STK38: variants seen among roughly 807,000 people sequenced by gnomAD.
The protein encoded by STK38 is serine/threonine kinase 38, also known as serine/threonine-protein kinase 38.
A neutral mutation model predicts 59.0 loss-of-function variants in STK38; 26 were observed. That is an observed-to-expected ratio of 0.44 (90% CI 0.32 to 0.61). STK38 has a LOEUF of 0.61. STK38 is among the 20% of genes least tolerant of loss of function. STK38 has a pLI of 0.04. For synonymous variants in STK38, 175 were observed against 176.6 expected (o/e 0.99, Z 0.07); for missense variants, 433 against 566.0 (o/e 0.76, Z 2.38).
Position 36,497,841 on chromosome 6 carries a change from G to C in STK38, c.1111C>G (p.Pro371Ala). The C allele has an allele frequency of 6.2e-7, 1 of 1,613,748 alleles. No homozygotes were observed. Among genetic ancestry groups the C allele is most frequent in the South Asian group, 1.1e-5 (1 of 91,044 alleles). ...CCEWEHRIGA[P>A]GVEEIKSNSF... ...TTACTTTTTATTTCCTCAACTCCAGGAGCTCCAATTCTATGTTCCCATTCA... is the reference window on the plus strand; with the variant it reads ...TTACTTTTTATTTCCTCAACTCCAGCAGCTCCAATTCTATGTTCCCATTCA... The change falls in exon 12 of 14, where the codon CCT becomes GCT. Residue 371 changes from proline (P) to alanine (A), a missense_variant. By Grantham distance (27) the Pro-to-Ala change is conservative (BLOSUM62 -1). Transcript: ENST00000229812.
intron 2 of STK38, among the ~76,000 whole-genome samples, chr6:36,533,216 T>G (rs751047849): frequency 6.6e-6 from 1 of 152,296 alleles, no homozygotes; most frequent in Admixed American, 6.5e-5. Context: ...GGCACAATCA[T>G]AGCTCACTGC....
rs1776643914 is a variant in STK38 at position 36,494,099 on chromosome 6, CA to C, written c.*1684del. 6.6e-6 allele frequency: 1 copy of C among 152,202 alleles called. No individual in the cohort carries two copies. Among genetic ancestry groups the C allele is most frequent in the Non-Finnish European group, 1.5e-5 (1 of 68,036 alleles). The allele number at this position is 152,202 out of a possible 1,614,324, so 9.4% of individuals were successfully genotyped here. On this transcript the variant is annotated 3_prime_UTR_variant, in exon 14 of 14. Transcript: ENST00000229812. Reference sequence around the variant, plus strand: ...AATACAAAGAGACTACAAAGTCACACAAAAGAATCTCATTTACTTCCTTTTC... The same window carrying C: ...AATACAAAGAGACTACAAAGTCACACAAAGAATCTCATTTACTTCCTTTTC...
chr6:36,506,785 T>C (rs1042987596), intron 8 of STK38, 141 bp from the exon 9 acceptor site: 4 of 689,282 alleles, frequency 5.8e-6, no homozygotes, highest in African/African-American at 5.4e-5. Context: ...AGATGATACA[T>C]ATCCTAGTAC....
At chr6:36,506,966 A>C (rs1380999642) in intron 8 of STK38, among the ~76,000 whole-genome samples, 7 of 152,206 alleles carry the variant, frequency 4.6e-5, no homozygotes, top group Non-Finnish European at 8.8e-5. Flanking sequence ...CGTGGACCTA[A>C]AACAGTCACA....
intron 7 of STK38, 122 bp downstream of exon 7, chr6:36,515,216 G>A: frequency 1.7e-6 from 2 of 1,171,380 alleles, no homozygotes; most frequent in Non-Finnish European, 1.2e-6. Context: ...AAAAAAAAAG[G>A]AAAATCATGA....
chr6:36,532,517 T>C (rs535930845), intron 2 of STK38, among the ~76,000 whole-genome samples: 1 of 152,220 alleles, frequency 6.6e-6, no homozygotes, highest in African/African-American at 2.4e-5. Flanking sequence ...GGCTCACACC[T>C]GTAATCCCAG....
intron 9 of STK38, among the ~76,000 whole-genome samples, chr6:36,504,701 T>C (rs1343844192): frequency 6.6e-6 from 1 of 152,016 alleles, no homozygotes; most frequent in Non-Finnish European, 1.5e-5. Context: ...AAATGACATT[T>C]AACTGCAAAT....
At chr6:36,531,372 GA>G (rs3836988) in intron 2 of STK38, among the ~76,000 whole-genome samples, 36,221 of 152,080 alleles carry the variant, frequency 0.24, 4,559 homozygotes, top group East Asian at 0.39. Flanking sequence ...TATTCATGAA[GA>G]AAAGAAACAA....
At position 36,515,494 on chromosome 6, in the gene STK38, T is replaced by C; in HGVS notation, c.515-2A>G. On this transcript the variant is annotated splice_acceptor_variant, in intron 6 of 13. Coordinates refer to ENST00000229812, the MANE Select transcript of STK38 (RefSeq NM_007271.4). LOFTEE classifies it high-confidence loss of function. ...TCATCAACAAGGTCATCATGTCCCC[T>C]GGAAACAAGAAGATACAAAGCCACC... The C allele has an allele frequency of 6.2e-7, 1 of 1,611,366 alleles. No individual in the cohort carries two copies. Among genetic ancestry groups the C allele is most frequent in the Non-Finnish European group, 8.5e-7 (1 of 1,179,432 alleles).
chr6:36,520,699 T>C (rs3798473), intron 5 of STK38, among the ~76,000 whole-genome samples: 34,778 of 152,172 alleles, frequency 0.23, 4,168 homozygotes, highest in East Asian at 0.39. Flanking sequence ...GCATAAACTA[T>C]AGTGTCTCAA....
At position 36,497,784 on chromosome 6, in the gene STK38, T is replaced by C. The variant is rs1321611778; in HGVS notation, c.1168A>G (p.Ile390Val). Reference sequence around the variant, plus strand: ...AAAGTGTTTATATGGATATACCTGATATGTTCCCAGTCAACGCCTTCAAAA... The same window carrying C: ...AAAGTGTTTATATGGATATACCTGACATGTTCCCAGTCAACGCCTTCAAAA... ...SFFEGVDWEH[I>V]RERPAAISIE... The change falls in exon 12 of 14, where the codon ATC becomes GTC. Residue 390 changes from isoleucine (I) to valine (V), a missense_variant. By Grantham distance (29) the Ile-to-Val change is conservative (BLOSUM62 3). Coordinates refer to ENST00000229812, the MANE Select transcript of STK38 (RefSeq NM_007271.4). 1.9e-6 allele frequency: 3 copies of C among 1,609,426 alleles called. No individual in the cohort carries two copies. In the South Asian group the frequency reaches 3.3e-5, roughly 18 times the overall value.
chr6:36,511,703 A>G (rs946960212), intron 7 of STK38, among the ~76,000 whole-genome samples: 4 of 152,008 alleles, frequency 2.6e-5, no homozygotes, highest in African/African-American at 9.7e-5. Context: ...CTACAAGCCA[A>G]GGAAGTTTAT....
intron 1 of STK38, among the ~76,000 whole-genome samples, chr6:36,544,905 A>C (rs1561996941): frequency 1.3e-5 from 2 of 152,144 alleles, no homozygotes; most frequent in Non-Finnish European, 1.5e-5. Context: ...ACAACACAAC[A>C]ATCTGCTAGT....
intron 7 of STK38, among the ~76,000 whole-genome samples, chr6:36,513,900 A>G (rs929555633): frequency 7.3e-5 from 11 of 150,072 alleles, no homozygotes; most frequent in African/African-American, 2.4e-4. Context: ...TCACGCCTGT[A>G]ATCCCAGCAC....
chr6:36,513,018 GC>G (rs1256176681), intron 7 of STK38, among the ~76,000 whole-genome samples: 1 of 151,520 alleles, frequency 6.6e-6, no homozygotes, highest in Non-Finnish European at 1.5e-5. Flanking sequence ...CCATGTTTAT[GC>G]ATTATTATTA....
chr6:36,530,144 G>A (rs962688954), intron 2 of STK38, among the ~76,000 whole-genome samples: 3 of 151,978 alleles, frequency 2.0e-5, no homozygotes, highest in African/African-American at 7.2e-5. Flanking sequence ...AGGAGGCTGA[G>A]GCAGGAAAAT....
intron 2 of STK38, among the ~76,000 whole-genome samples, chr6:36,528,868 C>T (rs1392776116): frequency 1.3e-5 from 2 of 152,220 alleles, no homozygotes; most frequent in African/African-American, 4.8e-5. Flanking sequence ...GTGGCTCCTT[C>T]TAATTATATT....
At chr6:36,514,144 G>C (rs1561980011) in intron 7 of STK38, among the ~76,000 whole-genome samples, 2 of 130,490 alleles carry the variant, frequency 1.5e-5, no homozygotes, top group Non-Finnish European at 3.1e-5. Context: ...GACAGAGCGA[G>C]ACTCCGTCTC....
Position 36,495,759 on chromosome 6 carries a change from C to G in STK38, c.*25G>C. On this transcript the variant is annotated 3_prime_UTR_variant, in exon 14 of 14. Transcript: ENST00000229812. ...TGATGTTATACAAAGAACTCTGCTCCACATAGGATTCCGTGGCAAGAGTAC... is the reference window on the plus strand; with the variant it reads ...TGATGTTATACAAAGAACTCTGCTCGACATAGGATTCCGTGGCAAGAGTAC... The G allele has an allele frequency of 6.2e-7, 1 of 1,613,000 alleles. No homozygotes were observed. The highest frequency in any genetic ancestry group is 8.5e-7 in the Non-Finnish European group (1 of 1,179,376).
Sources: allele counts gnomAD v4.1 joint callset (sites outside exome capture counted in the v4.1 genomes callset), GRCh38; gene constraint gnomAD v4.1.1; transcripts MANE v1.5; gene names NCBI Gene and HGNC (gene_info 2026-07-23, HGNC 2026-07-21).